ADGRL2: variants seen among roughly 807,000 people sequenced by gnomAD.
ADGRL2 encodes the protein adhesion G protein-coupled receptor L2.
Under a neutral mutation model 157.4 loss-of-function variants are expected in ADGRL2, and 44 were observed. That is an observed-to-expected ratio of 0.28 (90% CI 0.22 to 0.36). ADGRL2 has a LOEUF of 0.36. Among genes scored for constraint, ADGRL2 ranks in the 10% least tolerant of loss-of-function variants. ADGRL2 has a pLI of 1.00. For synonymous variants in ADGRL2, 585 were observed against 624.7 expected (o/e 0.94, Z 0.95); for missense variants, 1,510 against 1,768.9 (o/e 0.85, Z 2.63).
At chr1:81,380,270 C>T (rs796381030) in intron 1 of ADGRL2, among the ~76,000 whole-genome samples, 6 of 152,260 alleles carry the variant, frequency 3.9e-5, no homozygotes, top group African/African-American at 1.2e-4. Flanking sequence ...TGTCCTGTGC[C>T]TATCACTTTT....
intron 2 of ADGRL2, among the ~76,000 whole-genome samples, chr1:81,897,615 T>A (rs1440592245): frequency 6.6e-6 from 1 of 152,168 alleles, no homozygotes; most frequent in Non-Finnish European, 1.5e-5. Flanking sequence ...CAAAAGGCTT[T>A]TCAGAAGTAG....
At chr1:81,572,756 CA>C (rs1315275297) in intron 2 of ADGRL2, among the ~76,000 whole-genome samples, 1 of 151,948 alleles carries the variant, frequency 6.6e-6, no homozygotes, top group Non-Finnish European at 1.5e-5. Flanking sequence ...CTGGGTTCAA[CA>C]AAATTAAACA....
At chr1:81,504,354 G>A (rs1418786174) in intron 2 of ADGRL2, among the ~76,000 whole-genome samples, 2 of 152,048 alleles carry the variant, frequency 1.3e-5, no homozygotes, top group Non-Finnish European at 2.9e-5. Flanking sequence ...TTCTTATGGG[G>A]CCATCTTGGC....
chr1:81,613,821 TTTAAAAC>T (rs1386975485), intron 3 of ADGRL2, among the ~76,000 whole-genome samples: 2 of 152,176 alleles, frequency 1.3e-5, no homozygotes, highest in Admixed American at 6.5e-5. Context: ...CTAAATGACT[TTTAAAAC>T]AATTTCCATT....
chr1:81,404,273 G>T (rs1270504573), intron 1 of ADGRL2, among the ~76,000 whole-genome samples: 2 of 152,108 alleles, frequency 1.3e-5, no homozygotes, highest in African/African-American at 4.8e-5. Context: ...TGAAGCCCCG[G>T]TTATCTTTAC....
At chr1:81,461,919 G>A (rs2077936727) in intron 2 of ADGRL2, among the ~76,000 whole-genome samples, 3 of 49,196 alleles carry the variant, frequency 6.1e-5, no homozygotes, top group East Asian at 7.2e-4. Context: ...AAAGAAGGAA[G>A]AAAAGAAGAA....
intron 1 of ADGRL2, among the ~76,000 whole-genome samples, chr1:81,328,922 T>C (rs1023141950): frequency 6.6e-6 from 1 of 151,700 alleles, no homozygotes; most frequent in Non-Finnish European, 1.5e-5. Context: ...GATTTTCATT[T>C]CCTTTGTTAT....
At chr1:81,759,482 A>G (rs1314789908) in intron 1 of ADGRL2, among the ~76,000 whole-genome samples, 1 of 152,174 alleles carries the variant, frequency 6.6e-6, no homozygotes, top group African/African-American at 2.4e-5. Context: ...ACTACTTGCA[A>G]AATTCAAAAC....
Position 81,692,058 on chromosome 1 carries a change from GC to G in ADGRL2, c.-142-69751del, listed in dbSNP as rs542543757. On this transcript the variant is annotated intron_variant, in intron 3 of 24. Coordinates refer to the ADGRL2 transcript ENST00000370721. Reference sequence around the variant, plus strand: ...TATATTCACACACATGCACAAATAAGCCATTTTCATATAGTATACAGAAAGC... The same window carrying G: ...TATATTCACACACATGCACAAATAAGCATTTTCATATAGTATACAGAAAGC... 2.3e-3 allele frequency among the ~76,000 whole-genome samples: 344 copies of G among 151,028 alleles called. 2 individuals are homozygous for G. The highest frequency in any genetic ancestry group is 7.9e-3 in the African/African-American group (326 of 41,092).
chr1:81,950,365 A>G lies in ADGRL2; in HGVS notation c.1387A>G (p.Thr463Ala). ...TTCTACAACCAAAATTCCACCTATAACAAATATTTTTCCCCTGCCAGAGAG... is the reference window on the plus strand; with the variant it reads ...TTCTACAACCAAAATTCCACCTATAGCAAATATTTTTCCCCTGCCAGAGAG... The part of the protein sequence containing the change: ...AVSTTKIPPI[T>A]NIFPLPERFC... Residue 463 changes from threonine (T) to alanine (A), a missense_variant, in exon 7 of 24, where the codon ACA becomes GCA. Physicochemically the swap from Thr to Ala is moderately conservative, Grantham distance 58. Transcript: ENST00000686636. 1.2e-6 allele frequency: 2 copies of G among 1,614,074 alleles called. No homozygotes were observed. Among genetic ancestry groups the G allele is most frequent in the Non-Finnish European group, 1.7e-6 (2 of 1,179,978 alleles).
At chr1:81,848,554 T>A (rs1466047354) in intron 2 of ADGRL2, among the ~76,000 whole-genome samples, 8 of 151,930 alleles carry the variant, frequency 5.3e-5, no homozygotes, top group Non-Finnish European at 1.2e-4. Flanking sequence ...TACTTTATAT[T>A]GCTTAACATT....
At chr1:81,620,774 C>T (rs1221387609) in intron 3 of ADGRL2, among the ~76,000 whole-genome samples, 1 of 152,116 alleles carries the variant, frequency 6.6e-6, no homozygotes, top group Non-Finnish European at 1.5e-5. Flanking sequence ...ACATACTAAC[C>T]TGTGTGGTAA....
At chr1:81,527,145 G>T (rs932074133) in intron 2 of ADGRL2, among the ~76,000 whole-genome samples, 1 of 152,138 alleles carries the variant, frequency 6.6e-6, no homozygotes, top group Non-Finnish European at 1.5e-5. Flanking sequence ...GTACTATTAG[G>T]ATCACCAATA....
intron 1 of ADGRL2, among the ~76,000 whole-genome samples, chr1:81,351,378 G>A (rs532278351): frequency 4.6e-5 from 7 of 151,890 alleles, no homozygotes; most frequent in African/African-American, 7.3e-5. Flanking sequence ...GAAATATAAC[G>A]TGTAGAGAAT....
intron 1 of ADGRL2, among the ~76,000 whole-genome samples, chr1:81,703,675 A>G (rs566798506): frequency 5.9e-4 from 90 of 152,320 alleles, no homozygotes; most frequent in African/African-American, 2.0e-3. Context: ...ACAATTTACA[A>G]TGAAAATGGG....
intron 1 of ADGRL2, among the ~76,000 whole-genome samples, chr1:81,386,649 T>C (rs1464026031): frequency 1.3e-5 from 2 of 152,194 alleles, no homozygotes; most frequent in Non-Finnish European, 2.9e-5. Flanking sequence ...GTACTAACTT[T>C]AAAAGGTCCT....
At chr1:81,905,947 A>AGTGTGTGTGTGTGT (rs3046460) in intron 2 of ADGRL2, among the ~76,000 whole-genome samples, 35 of 144,480 alleles carry the variant, frequency 2.4e-4, no homozygotes, top group South Asian at 6.7e-4. Flanking sequence ...AAAAAAGCAG[A>AGTGTGTGTGTGTGT]GTGTGTGTGT....
chr1:81,532,218 C>A (rs531149491), intron 2 of ADGRL2, among the ~76,000 whole-genome samples: 2 of 152,028 alleles, frequency 1.3e-5, no homozygotes, highest in African/African-American at 2.4e-5. Flanking sequence ...CTTAGCACAA[C>A]GATAATTCTA....
intron 2 of ADGRL2, among the ~76,000 whole-genome samples, chr1:81,788,621 G>C (rs1325535758): frequency 6.6e-6 from 1 of 152,176 alleles, no homozygotes; most frequent in African/African-American, 2.4e-5. Flanking sequence ...GGCACGTTTA[G>C]TTTAGAAGGT....
Sources: gnomAD v4.1 joint callset for allele counts (sites outside exome capture counted in the v4.1 genomes callset) on GRCh38, gnomAD v4.1.1 for gene constraint, MANE v1.5 for transcripts, NCBI Gene and HGNC (gene_info 2026-07-23, HGNC 2026-07-21) for gene names.